Variants in AP5Z1 observed in about 807,000 individuals in gnomAD.
AP5Z1 encodes adaptor related protein complex 5 subunit zeta 1.
A neutral mutation model predicts 83.0 loss-of-function variants in AP5Z1; 106 were observed. That is an observed-to-expected ratio of 1.28 (90% CI 1.09 to 1.50). AP5Z1 has a LOEUF of 1.50. Ranked by LOEUF, AP5Z1 falls within the 40% of genes most tolerant of loss-of-function variation. The probability of loss-of-function intolerance (pLI) is 0.00; values close to 1 mark genes in which losing one functional copy is unlikely to be tolerated. For missense variants in AP5Z1, 1,565 were observed against 1,094.2 expected, an observed-to-expected ratio of 1.43 and a Z score of -6.07; for synonymous variants, 751 against 514.1, an observed-to-expected ratio of 1.46 and a Z score of -6.23.
chr7:4,788,020 C>T, intron 11 of AP5Z1, 134 bp from the exon 12 acceptor site: 1 of 1,355,826 alleles, frequency 7.4e-7, no homozygotes, highest in Middle Eastern at 2.7e-4. Context: ...AGGCCTGGAG[C>T]CTCCCATGCC....
intron 1 of AP5Z1, among the ~76,000 whole-genome samples, chr7:4,778,311 C>G (rs1025501533): frequency 2.0e-5 from 3 of 152,100 alleles, no homozygotes; most frequent in African/African-American, 7.2e-5. Flanking sequence ...AAAAAGTGAT[C>G]AAAGATAGCG....
chr7:4,788,847 C>T lies in AP5Z1; in HGVS notation c.1603C>T (p.Pro535Ser), dbSNP rs1781647710. 1 of 1,605,986 alleles carries T rather than the reference C, an allele frequency of 6.2e-7. No individual in the cohort carries two copies. The highest frequency in any genetic ancestry group is 8.5e-7 in the Non-Finnish European group (1 of 1,176,702). Residue 535 changes from proline (P) to serine (S), a missense_variant, in exon 13 of 17, where the codon CCA (proline) becomes TCA (serine). Physicochemically the swap from Pro to Ser is moderately conservative, Grantham distance 74. Transcript: ENST00000649063. ...KASGATERLA[P>S]LHQLLQPMAG... ...GCCACACTGTGTCCTCAGGTTGGCG[C>T]CACTCCACCAGCTGCTGCAGCCCAT...
Position 4,781,319 on chromosome 7 carries a change from G to GT in AP5Z1, c.179+8dup, listed in dbSNP as rs1385850862. The GT allele has an allele frequency of 6.2e-7, 1 of 1,612,836 alleles. No individual in the cohort carries two copies. Among genetic ancestry groups the GT allele is most frequent in the East Asian group, 2.2e-5 (1 of 44,882 alleles). ...CCACGAAGTACAGCCGGAGGTGAGT[G>GT]TGGCGACGGCTCAGGCCGGCTCCTC... On this transcript the variant is annotated splice_region_variant and intron_variant, in intron 2 of 16. Coordinates refer to ENST00000649063, the MANE Select transcript of AP5Z1 (RefSeq NM_014855.3).
At chr7:4,787,832 C>T in intron 11 of AP5Z1, 56 bp downstream of exon 11, 1 of 1,485,668 alleles carries the variant, frequency 6.7e-7, no homozygotes, top group Non-Finnish European at 9.0e-7. Flanking sequence ...GTTCCACACA[C>T]TGGGCCCCCT....
chr7:4,784,305 G>T lies in AP5Z1; in HGVS notation c.724G>T (p.Ala242Ser). The T allele has an allele frequency of 1.9e-6, 3 of 1,602,562 alleles. No homozygotes were observed. Among genetic ancestry groups the T allele is most frequent in the Non-Finnish European group, 2.6e-6 (3 of 1,175,614 alleles). Residue 242 changes from alanine to serine, a missense_variant, in exon 6 of 17, where the codon GCC (alanine) becomes TCC (serine). Coordinates refer to ENST00000649063, the MANE Select transcript of AP5Z1 (RefSeq NM_014855.3). The part of the protein sequence containing the change: ...FTDDQWLNVQ[A>S]FSMLRAWLLH... ...AGACGACCAGTGGCTGAACGTGCAGGCCTTCTCTATGCTGCGGGCGTGGCT... is the reference window on the plus strand; with the variant it reads ...AGACGACCAGTGGCTGAACGTGCAGTCCTTCTCTATGCTGCGGGCGTGGCT...
chr7:4,783,412 C>G lies in AP5Z1; in HGVS notation c.463C>G (p.Pro155Ala), dbSNP rs1156311541. Residue 155 changes from proline (P) to alanine (A), a missense_variant, in exon 4 of 17, where the codon CCC (proline) becomes GCC (alanine). Coordinates refer to ENST00000649063, the MANE Select transcript of AP5Z1 (RefSeq NM_014855.3). ...GGGACCCAGCCTCAGACACCTCCTC[C>G]CCGTCATGGCCAAGGTCGTGGTCCT... ...PEGPSLRHLL[P>A]VMAKVVVLSP... 6 of 1,612,970 alleles carry G rather than the reference C, an allele frequency of 3.7e-6. No homozygotes were observed. The highest frequency in any genetic ancestry group is 5.1e-6 in the Non-Finnish European group (6 of 1,179,780).
intron 1 of AP5Z1, among the ~76,000 whole-genome samples, chr7:4,780,722 T>C (rs905705675): frequency 2.0e-5 from 3 of 152,076 alleles, no homozygotes. Flanking sequence ...GCCGAGATCA[T>C]GACACTATAT....
chr7:4,781,441 G>A, intron 2 of AP5Z1, 127 bp from the exon 3 acceptor site: 1 of 1,540,406 alleles, frequency 6.5e-7, no homozygotes, highest in Non-Finnish European at 8.8e-7. Flanking sequence ...CAGTGCTGAA[G>A]GTCCATCCTC....
In AP5Z1 at chr7:4,784,951, C is replaced by T. The variant is rs113192428; in HGVS notation, c.834C>T (p.Ser278=). The T allele has an allele frequency of 1.1e-4, 172 of 1,611,952 alleles. No homozygotes were observed. In the African/African-American group the frequency reaches 1.1e-3, roughly 11 times the overall value. ...AGGGCTCCACTCTGTCGGTGATCTC[C>T]GCCACCTCCTCTGCCGGCCGCCTGC... ...EQEGSTLSVI[S]ATSSAGRLLP... is the part of the protein sequence containing the mutation. The change falls in exon 7 of 17, where the codon TCC becomes TCT. Residue 278 remains serine (S), a synonymous_variant. Transcript: ENST00000649063.
At chr7:4,778,804 TTA>T (rs1491573563) in intron 1 of AP5Z1, among the ~76,000 whole-genome samples, 1 of 145,930 alleles carries the variant, frequency 6.9e-6, no homozygotes, top group Non-Finnish European at 1.5e-5. Context: ...TAATTATATG[TTA>T]TATATTATAT....
At chr7:4,788,485 T>C in intron 12 of AP5Z1, 191 bp downstream of exon 12, 1 of 686,500 alleles carries the variant, frequency 1.5e-6, no homozygotes. Context: ...CGGGGCCTGG[T>C]CTCAGCTCTC....
At chr7:4,781,070 G>T (rs760762782) in intron 1 of AP5Z1, 105 bp from the exon 2 acceptor site, 3 of 1,434,802 alleles carry the variant, frequency 2.1e-6, no homozygotes, top group Non-Finnish European at 1.9e-6. Flanking sequence ...CCACACACTC[G>T]GCTTCTCTTT....
chr7:4,788,599 G>T (rs1781635716), intron 12 of AP5Z1: 2 of 501,168 alleles, frequency 4.0e-6, no homozygotes, highest in Admixed American at 3.7e-5. Flanking sequence ...AGGAGGCCTG[G>T]GACCGGCCAC....
At position 4,793,829 on chromosome 7, in the gene AP5Z1, G is replaced by C. The variant is rs1462551457; in HGVS notation, c.*2444G>C. 6.5e-6 allele frequency: 1 copy of C among 153,450 alleles called. No homozygotes were observed. The highest frequency in any genetic ancestry group is 2.4e-5 in the African/African-American group (1 of 41,504). The allele number at this position is 153,450 out of a possible 1,614,324, so 9.5% of individuals were successfully genotyped here. On this transcript the variant is annotated 3_prime_UTR_variant, in exon 17 of 17. Coordinates refer to ENST00000649063, the MANE Select transcript of AP5Z1 (RefSeq NM_014855.3). ...CCCAACGAGTGTTGCCACCTGCTCAGGGCACCCAGTCCCATCGACCACCCA... is the reference window on the plus strand; with the variant it reads ...CCCAACGAGTGTTGCCACCTGCTCACGGCACCCAGTCCCATCGACCACCCA...
chr7:4,793,041 G>GC lies in AP5Z1; in HGVS notation c.*1659dup, dbSNP rs1781836497. The GC allele has an allele frequency of 6.6e-6, 1 of 152,558 alleles. No homozygotes were observed. Among genetic ancestry groups the GC allele is most frequent in the Non-Finnish European group, 1.5e-5 (1 of 68,204 alleles). 9.5% of individuals were successfully genotyped at this position (152,558 alleles called of 1,614,324 possible). A position where few individuals can be genotyped will look rare whatever the true frequency, so the allele number is the denominator to read the frequency against. ...GCTCCCAGGCACTCGTGGGGCCACC[G>GC]CCCAGGCCAGCTGGTGCTAAGTCCG... On this transcript the variant is annotated 3_prime_UTR_variant, in exon 17 of 17. Transcript: ENST00000649063.
intron 9 of AP5Z1, 77 bp downstream of exon 9, chr7:4,785,761 T>A: frequency 3.4e-5 from 4 of 117,760 alleles, no homozygotes; most frequent in Non-Finnish European, 5.5e-5. Flanking sequence ...TCTTCTTCCC[T>A]TTTTTTTTTT....
At position 4,791,152 on chromosome 7, in the gene AP5Z1, C is replaced by T. The variant is rs2115130780; in HGVS notation, c.2191C>T (p.His731Tyr). ...LLLSKMRTLAHSPATSSTHSE... is the reference protein window; with the variant it reads ...LLLSKMRTLAYSPATSSTHSE... ...GCTGTCAAAGATGAGGACCCTGGCT[C>T]ACAGTCCAGCCACCAGCTCCACGCA... Residue 731 changes from histidine (H) to tyrosine (Y), a missense_variant, in exon 17 of 17, where the codon CAC becomes TAC. Transcript: ENST00000649063. 1.2e-6 allele frequency: 2 copies of T among 1,609,084 alleles called. No individual in the cohort carries two copies. The highest frequency in any genetic ancestry group is 8.5e-7 in the Non-Finnish European group (1 of 1,177,790).
intron 3 of AP5Z1, among the ~76,000 whole-genome samples, chr7:4,782,322 G>A (rs1781404228): frequency 6.6e-6 from 1 of 152,116 alleles, no homozygotes; most frequent in African/African-American, 2.4e-5. Context: ...AGGAGTTTTT[G>A]CCAAGTCCAT....
At position 4,783,804 on chromosome 7, in the gene AP5Z1, G is replaced by A. The variant is rs764806337; in HGVS notation, c.621+6G>A. The A allele has an allele frequency of 1.9e-6, 3 of 1,546,118 alleles. No individual in the cohort carries two copies. The highest frequency in any genetic ancestry group is 2.4e-5 in the South Asian group (2 of 84,052). ...CCACGCCCAGGGCCCGGCAGGTGAG[G>A]CTGGGACTGTTCTGGAACCATGGGG... On this transcript the variant is annotated splice_donor_region_variant and intron_variant, in intron 5 of 16. Coordinates refer to ENST00000649063, the MANE Select transcript of AP5Z1 (RefSeq NM_014855.3).
Sources: gnomAD v4.1 joint callset for allele counts (sites outside exome capture counted in the v4.1 genomes callset) on GRCh38, gnomAD v4.1.1 for gene constraint, MANE v1.5 for transcripts, NCBI Gene and HGNC (gene_info 2026-07-23, HGNC 2026-07-21) for gene names.